The following VLDLR variants were observed in gnomAD, a reference collection of about 807,000 sequenced individuals.
VLDLR encodes the protein very low-density lipoprotein receptor.
VLDLR carries 81 observed loss-of-function variants against 112.7 expected under a neutral mutation model. The ratio of observed to expected loss-of-function variants is 0.72; its 90% CI spans 0.60 to 0.86. The LOEUF is 0.86. Among genes scored for constraint, VLDLR ranks in the 40% least tolerant of loss-of-function variants. VLDLR has a pLI of 0.00. For synonymous variants in VLDLR, 436 were observed against 384.8 expected (o/e 1.13, Z -1.56); for missense variants, 1,237 against 1,099.4 (o/e 1.13, Z -1.77).
chr9:2,648,497 G>A (rs35485885), intron 13 of VLDLR, 150 bp downstream of exon 13: 1 of 1,511,256 alleles, frequency 6.6e-7, no homozygotes, highest in South Asian at 1.1e-5. Context: ...CAGACACTAA[G>A]TCCCAGAAGC....
In VLDLR at chr9:2,654,177, T is replaced by C. The variant is rs938720343; in HGVS notation, c.*309T>C. ...AGCCATATTCCAGCAGTGAAACTTG[T>C]GCTATAGTGTATACCACCTGTACAT... On this transcript the variant is annotated 3_prime_UTR_variant, in exon 19 of 19. Transcript: ENST00000382100. The C allele has an allele frequency of 1.7e-5, 7 of 411,622 alleles. No homozygotes were observed. Among genetic ancestry groups the C allele is most frequent in the Non-Finnish European group, 3.2e-5 (7 of 218,364 alleles). 25.5% of individuals were successfully genotyped at this position (411,622 alleles called of 1,614,324 possible).
intron 4 of VLDLR, among the ~76,000 whole-genome samples, chr9:2,642,429 C>T (rs560723839): frequency 1.3e-5 from 2 of 152,230 alleles, no homozygotes; most frequent in African/African-American, 2.4e-5. Context: ...ATTGGTAAGC[C>T]CTGGTGCTGC....
Position 2,654,412 on chromosome 9 carries a change from C to A in VLDLR, c.*544C>A. 1 of 158,758 alleles carries A rather than the reference C, an allele frequency of 6.3e-6. No individual in the cohort carries two copies. The allele number at this position is 158,758 out of a possible 1,614,324, so 9.8% of individuals were successfully genotyped here. A position where few individuals can be genotyped will look rare whatever the true frequency, so the allele number is the denominator to read the frequency against. On this transcript the variant is annotated 3_prime_UTR_variant, in exon 19 of 19. Transcript: ENST00000382100. ...TATCTTTGACCTCAATGGAGGTTTG[C>A]AAAGACTGAGTGTTCAAACTACTGT...
chr9:2,639,363 C>T (rs1283240242), intron 2 of VLDLR, among the ~76,000 whole-genome samples: 2 of 152,146 alleles, frequency 1.3e-5, no homozygotes, highest in Non-Finnish European at 2.9e-5. Context: ...TTAATTACCT[C>T]CCAGAGGCCC....
intron 7 of VLDLR, 130 bp downstream of exon 7, chr9:2,644,089 G>A (rs879129189): frequency 7.3e-7 from 1 of 1,363,426 alleles, no homozygotes; most frequent in Non-Finnish European, 1.0e-6. Flanking sequence ...GTAGACTTCA[G>A]AGTGAAACTT....
chr9:2,622,266 G>C lies in VLDLR; in HGVS notation c.77G>C (p.Gly26Ala). The change falls in exon 1 of 19, where the codon GGA (glycine) becomes GCA (alanine). Residue 26 changes from glycine to alanine, a missense_variant. Gly to Ala is a moderately conservative substitution (Grantham distance 60, BLOSUM62 0). Coordinates refer to ENST00000382100, the MANE Select transcript of VLDLR (RefSeq NM_003383.5). ...CWAPRESGATGTGRKAKCEPS... is the reference protein window; with the variant it reads ...CWAPRESGATATGRKAKCEPS... Reference sequence around the variant, plus strand: ...GCGCCCCGGGAGAGCGGCGCCACCGGAACCGGTGAGTGAGGACGCGCCCCT... The same window carrying C: ...GCGCCCCGGGAGAGCGGCGCCACCGCAACCGGTGAGTGAGGACGCGCCCCT... 6.7e-7 allele frequency: 1 copy of C among 1,489,750 alleles called. No individual in the cohort carries two copies. The highest frequency in any genetic ancestry group is 1.3e-5 in the South Asian group (1 of 78,420). 92.3% of individuals were successfully genotyped at this position (1,489,750 alleles called of 1,614,324 possible). A position where few individuals can be genotyped will look rare whatever the true frequency, so the allele number is the denominator to read the frequency against.
chr9:2,643,532 G>A lies in VLDLR; in HGVS notation c.820+1G>A, dbSNP rs1563758564. The A allele has an allele frequency of 1.1e-5, 17 of 1,614,222 alleles. No individual in the cohort carries two copies. Among genetic ancestry groups the A allele is most frequent in the Non-Finnish European group, 1.2e-5 (14 of 1,180,036 alleles). On this transcript the variant is annotated splice_donor_variant, in intron 5 of 18. Transcript: ENST00000382100. LOFTEE classifies it high-confidence loss of function. ...GATGGCAGTGATGAGGTCAACTGTC[G>A]TAAGTAGCTTTCTAGCATGGCATGT... is the stretch of plus-strand genomic sequence containing the variant.
chr9:2,633,049 AGAGTGTGTGTGTGTGTGT>A (rs1417201748), intron 1 of VLDLR, among the ~76,000 whole-genome samples: 12 of 107,092 alleles, frequency 1.1e-4, no homozygotes, highest in African/African-American at 4.2e-4. Flanking sequence ...AGAGAGAGAG[AGAGTGTGTGTGTGTGTGT>A]GTGTGTGTGT....
At chr9:2,641,931 C>A (rs926069379) in intron 4 of VLDLR, among the ~76,000 whole-genome samples, 4 of 150,050 alleles carry the variant, frequency 2.7e-5, no homozygotes, top group African/African-American at 9.9e-5. Flanking sequence ...ACAAGCATTT[C>A]TTTGCCCATG....
rs1438760928 is a variant in VLDLR at position 2,652,833 on chromosome 9, C to T, written c.2470C>T (p.His824Tyr). Residue 824 changes from histidine to tyrosine, a missense_variant, in exon 18 of 19, where the codon CAC (histidine) becomes TAC (tyrosine). His to Tyr is a moderately conservative substitution (Grantham distance 83). Transcript: ENST00000382100. ...GGYLMWRNWQ[H>Y]KNMKSMNFDN... ...CTACTTGATGTGGCGGAATTGGCAA[C>T]ACAAGAACATGAAAAGCATGAACTT... 2 of 1,614,134 alleles carry T rather than the reference C, an allele frequency of 1.2e-6. No individual in the cohort carries two copies. Among genetic ancestry groups the T allele is most frequent in the South Asian group, 1.1e-5 (1 of 91,080 alleles).
intron 15 of VLDLR, among the ~76,000 whole-genome samples, chr9:2,650,771 T>A (rs1353798776): frequency 3.3e-5 from 5 of 152,196 alleles, no homozygotes; most frequent in African/African-American, 1.2e-4. Flanking sequence ...TTAACAGCAC[T>A]GAGCTAGCCA....
At chr9:2,630,321 G>C (rs1033664121) in intron 1 of VLDLR, among the ~76,000 whole-genome samples, 1 of 152,154 alleles carries the variant, frequency 6.6e-6, no homozygotes, top group Non-Finnish European at 1.5e-5. Flanking sequence ...CAGTAGAAGT[G>C]AACTAGACTA....
chr9:2,629,206 G>A lies in VLDLR; in HGVS notation c.83-6247G>A, dbSNP rs1586635981. The stretch of plus-strand genomic sequence containing the variant: ...CCTGGGGATTCTGATGCACACGGGA[G>A]CTTGAGAACGACTGACTTAGTTTAC... On this transcript the variant is annotated intron_variant, in intron 1 of 18. Coordinates refer to ENST00000382100, the MANE Select transcript of VLDLR (RefSeq NM_003383.5). Among the ~76,000 whole-genome samples the A allele has an allele frequency of 2.0e-5, 3 of 152,234 alleles. No individual in the cohort carries two copies. The East Asian group carries it at 5.8e-4, about 29-fold the overall frequency.
chr9:2,651,612 C>A (rs1818342726), intron 16 of VLDLR, 114 bp downstream of exon 16: 1 of 1,048,060 alleles, frequency 9.5e-7, no homozygotes, highest in African/African-American at 1.6e-5. Flanking sequence ...CAATTGGTAA[C>A]CTATATTTAA....
chr9:2,657,566 A>G lies in VLDLR; in HGVS notation c.*3698A>G, dbSNP rs1818651542. 1 of 152,166 alleles carries G rather than the reference A, an allele frequency of 6.6e-6. No homozygotes were observed. Among genetic ancestry groups the G allele is most frequent in the African/African-American group, 2.4e-5 (1 of 41,450 alleles). 9.4% of individuals were successfully genotyped at this position (152,166 alleles called of 1,614,324 possible). On this transcript the variant is annotated 3_prime_UTR_variant, in exon 19 of 19. Coordinates refer to ENST00000382100, the MANE Select transcript of VLDLR (RefSeq NM_003383.5). ...GGCGGTGCCTAAAAACCACATATATATAATCCCCTGGGTATTACATATTCT... is the reference window on the plus strand; with the variant it reads ...GGCGGTGCCTAAAAACCACATATATGTAATCCCCTGGGTATTACATATTCT...
chr9:2,653,773 A>G lies in VLDLR; in HGVS notation c.2587-60A>G, dbSNP rs140107261. 1.5e-3 allele frequency: 2,463 copies of G among 1,594,944 alleles called. 43 individuals carry two copies. In the African/African-American group the frequency reaches 0.029, roughly 19 times the overall value. On this transcript the variant is annotated intron_variant, in intron 18 of 18. Coordinates refer to ENST00000382100, the MANE Select transcript of VLDLR (RefSeq NM_003383.5). ...CTCAAAAGCAAGGTCCATTTTAAAG[A>G]CTAGAGTTGCCATCAGTGAGTGATC...
intron 1 of VLDLR, among the ~76,000 whole-genome samples, chr9:2,624,095 T>C (rs1230207376): frequency 2.0e-5 from 3 of 152,190 alleles, no homozygotes; most frequent in Non-Finnish European, 2.9e-5. Context: ...ATGCTAGGAA[T>C]GCACCTAAAC....
rs1406342957 is a variant in VLDLR at position 2,621,860 on chromosome 9, C to G, written c.-330C>G. On this transcript the variant is annotated 5_prime_UTR_variant, in exon 1 of 19. Coordinates refer to ENST00000382100, the MANE Select transcript of VLDLR (RefSeq NM_003383.5). ...TCTCCGTTCTGTGCTCTCTTCTGCT[C>G]TCGGCTCCCCACCCCCTCTCCCTTC... is the stretch of plus-strand genomic sequence containing the variant. The G allele has an allele frequency of 5.3e-6, 3 of 565,230 alleles. No individual in the cohort carries two copies. Among genetic ancestry groups the G allele is most frequent in the African/African-American group, 3.8e-5 (2 of 53,246 alleles). 35.0% of individuals were successfully genotyped at this position (565,230 alleles called of 1,614,324 possible). A position where few individuals can be genotyped will look rare whatever the true frequency, so the allele number is the denominator to read the frequency against.
Position 2,644,860 on chromosome 9 carries a change from C to G in VLDLR, c.1186+7C>G. The G allele has an allele frequency of 1.2e-6, 2 of 1,614,088 alleles. No homozygotes were observed. Among genetic ancestry groups the G allele is most frequent in the Non-Finnish European group, 1.7e-6 (2 of 1,180,018 alleles). On this transcript the variant is annotated splice_region_variant and intron_variant, in intron 8 of 18. Coordinates refer to ENST00000382100, the MANE Select transcript of VLDLR (RefSeq NM_003383.5). ...GATAGGAAAACCTGTGGAGGTGAGT[C>G]TAAGAAGAAAACCTGGACCCTGCAG...
Sources: allele counts gnomAD v4.1 joint callset (sites outside exome capture counted in the v4.1 genomes callset), GRCh38; gene constraint gnomAD v4.1.1; transcripts MANE v1.5; gene names NCBI Gene and HGNC (gene_info 2026-07-23, HGNC 2026-07-21).